The following PAN3 variants were observed in gnomAD, a reference collection of about 807,000 sequenced individuals.
PAN3 encodes poly(A) specific ribonuclease subunit PAN3.
In PAN3, 19 loss-of-function variants were observed where a neutral mutation model predicts 96.2. The observed-to-expected ratio is 0.20, with a 90% CI of 0.14 to 0.29. The LOEUF is 0.29. PAN3 is among the 10% of genes least tolerant of loss of function. The pLI is 1.00. For missense variants in PAN3, 882 were observed against 1,108.1 expected, an observed-to-expected ratio of 0.80 and a Z score of 2.90; for synonymous variants, 433 against 406.6, an observed-to-expected ratio of 1.06 and a Z score of -0.78.
intron 1 of PAN3, among the ~76,000 whole-genome samples, chr13:28,170,665 T>TA (rs551316055): frequency 2.1e-3 from 313 of 152,228 alleles, no homozygotes; most frequent in Non-Finnish European, 3.8e-3. Context: ...ATGTGAAGAG[T>TA]AGATGCCTTA....
intron 1 of PAN3, among the ~76,000 whole-genome samples, chr13:28,163,899 C>T (rs1307271920): frequency 6.6e-6 from 1 of 152,116 alleles, no homozygotes; most frequent in Non-Finnish European, 1.5e-5. Context: ...AGTCCATTTA[C>T]TGAATAATCC....
chr13:28,182,733 T>C (rs952271936), intron 4 of PAN3, among the ~76,000 whole-genome samples: 1 of 152,284 alleles, frequency 6.6e-6, no homozygotes, highest in East Asian at 1.9e-4. Flanking sequence ...TCTGGATTAT[T>C]CTGCTTGAGA....
At chr13:28,272,700 G>A (rs1886733389) in intron 14 of PAN3, among the ~76,000 whole-genome samples, 1 of 151,980 alleles carries the variant, frequency 6.6e-6, no homozygotes, top group Non-Finnish European at 1.5e-5. Context: ...CTCCCGAGTA[G>A]CTGGGATTAC....
chr13:28,289,427 G>A (rs976464586), intron 18 of PAN3, among the ~76,000 whole-genome samples: 12 of 151,966 alleles, frequency 7.9e-5, no homozygotes, highest in African/African-American at 2.9e-4. Flanking sequence ...ACAGGCACAC[G>A]CCACCACACC....
intron 5 of PAN3, among the ~76,000 whole-genome samples, chr13:28,209,739 C>T (rs368695305): frequency 6.6e-6 from 1 of 152,062 alleles, no homozygotes; most frequent in East Asian, 1.9e-4. Context: ...CGTCTCCTCC[C>T]GTTTTTCTCC....
intron 6 of PAN3, among the ~76,000 whole-genome samples, chr13:28,236,003 A>G (rs1016442459): frequency 6.6e-6 from 1 of 151,432 alleles, no homozygotes; most frequent in African/African-American, 2.4e-5. Flanking sequence ...GAGTATTGGG[A>G]TTACATACGT....
At chr13:28,233,190 A>G (rs1422546772) in intron 6 of PAN3, among the ~76,000 whole-genome samples, 1 of 152,134 alleles carries the variant, frequency 6.6e-6, no homozygotes, top group African/African-American at 2.4e-5. Flanking sequence ...AAATTATGTT[A>G]AAAACCTCAT....
chr13:28,145,098 A>G (rs569509771), intron 1 of PAN3, among the ~76,000 whole-genome samples: 1 of 152,266 alleles, frequency 6.6e-6, no homozygotes, highest in South Asian at 2.1e-4. Flanking sequence ...ATAATTATAG[A>G]ATCACCCGAA....
At chr13:28,204,337 A>G (rs1397025692) in intron 5 of PAN3, among the ~76,000 whole-genome samples, 12 of 152,204 alleles carry the variant, frequency 7.9e-5, no homozygotes, top group Non-Finnish European at 1.5e-4. Flanking sequence ...TATTTGTTCT[A>G]TGACTACATA....
intron 1 of PAN3, among the ~76,000 whole-genome samples, chr13:28,148,748 C>T (rs976022913): frequency 1.3e-5 from 2 of 152,138 alleles, no homozygotes; most frequent in African/African-American, 2.4e-5. Flanking sequence ...CATGAGTGCA[C>T]ACATGGAAGC....
chr13:28,218,791 AAC>A (rs1881080523), intron 5 of PAN3, among the ~76,000 whole-genome samples: 1 of 152,184 alleles, frequency 6.6e-6, no homozygotes, highest in Non-Finnish European at 1.5e-5. Context: ...GTTTCTCAGG[AAC>A]ACACTAAAAG....
intron 1 of PAN3, among the ~76,000 whole-genome samples, chr13:28,164,240 T>G (rs1428146130): frequency 2.0e-5 from 3 of 152,238 alleles, no homozygotes; most frequent in Non-Finnish European, 4.4e-5. Context: ...AACTCTTAAT[T>G]GAAGTTTTCT....
chr13:28,260,648 T>C lies in PAN3; in HGVS notation c.1353+97T>C, dbSNP rs565917575. 1.2e-5 allele frequency: 12 copies of C among 973,224 alleles called. No individual in the cohort carries two copies. The African/African-American group carries it at 1.8e-4, about 15-fold the overall frequency. 60.3% of individuals were successfully genotyped at this position (973,224 alleles called of 1,614,324 possible). A position where few individuals can be genotyped will look rare whatever the true frequency, so the allele number is the denominator to read the frequency against. On this transcript the variant is annotated intron_variant, in intron 8 of 18. Coordinates refer to ENST00000380958, the MANE Select transcript of PAN3 (RefSeq NM_175854.8). Reference sequence around the variant, plus strand: ...GCTCTTTTCAAATCATATTATTTAATCAAATATGCTCTAGTAAAGCACATC... The same window carrying C: ...GCTCTTTTCAAATCATATTATTTAACCAAATATGCTCTAGTAAAGCACATC...
In PAN3 at chr13:28,213,702, CAAA is replaced by C. The variant is rs779035643; in HGVS notation, c.853-6513_853-6511del. Among the ~76,000 whole-genome samples, 23 of 78,340 alleles carry C rather than the reference CAAA, an allele frequency of 2.9e-4. No homozygotes were observed. The East Asian group carries it at 5.5e-3, about 19-fold the overall frequency. The allele number at this position is 78,340 out of a possible 152,430, so 51.4% of individuals were successfully genotyped here. ...AAAAGAAATGTTTTTGAAAAAACAGCAAAAAAAAAAAAAAAAAAGGTTGGGGGA... is the reference window on the plus strand; with the variant it reads ...AAAAGAAATGTTTTTGAAAAAACAGCAAAAAAAAAAAAAAAGGTTGGGGGA... On this transcript the variant is annotated intron_variant, in intron 5 of 18. Transcript: ENST00000380958.
At chr13:28,255,527 C>T (rs7325953) in intron 6 of PAN3, among the ~76,000 whole-genome samples, 28,744 of 151,864 alleles carry the variant, frequency 0.19, 4,144 homozygotes, top group African/African-American at 0.4. Flanking sequence ...TAATAGAGGG[C>T]GCTTTGCACA....
chr13:28,221,443 G>A (rs904429860), intron 6 of PAN3, among the ~76,000 whole-genome samples: 1 of 151,870 alleles, frequency 6.6e-6, no homozygotes, highest in Non-Finnish European at 1.5e-5. Context: ...CTGTCTCCAG[G>A]GCTTAATCTA....
chr13:28,234,414 G>A (rs1246425171), intron 6 of PAN3, among the ~76,000 whole-genome samples: 1 of 152,048 alleles, frequency 6.6e-6, no homozygotes. Flanking sequence ...TTCATGTTTT[G>A]GAGTTTTGTA....
chr13:28,138,410 A>C, upstream of PAN3: 1 of 227,024 alleles, frequency 4.4e-6, no homozygotes, highest in Non-Finnish European at 8.5e-6. Flanking sequence ...CGGCCCCTTT[A>C]AGAAAAGAGA....
Position 28,215,025 on chromosome 13 carries a change from A to G in PAN3, c.853-5206A>G, listed in dbSNP as rs964757264. The G allele has an allele frequency of 3.5e-5, 42 of 1,192,030 alleles. No individual in the cohort carries two copies. The African/African-American group carries it at 5.2e-4, about 15-fold the overall frequency. 73.8% of individuals were successfully genotyped at this position (1,192,030 alleles called of 1,614,324 possible). Reference sequence around the variant, plus strand: ...CAGCCAGAAGAGATATGAGGAAATCATTAAGGAAGTCAGCACTTATATTAA... The same window carrying G: ...CAGCCAGAAGAGATATGAGGAAATCGTTAAGGAAGTCAGCACTTATATTAA... On this transcript the variant is annotated intron_variant, in intron 5 of 18. Transcript: ENST00000380958.
Sources: gnomAD v4.1 joint callset for allele counts (sites outside exome capture counted in the v4.1 genomes callset) on GRCh38, gnomAD v4.1.1 for gene constraint, MANE v1.5 for transcripts, NCBI Gene and HGNC (gene_info 2026-07-23, HGNC 2026-07-21) for gene names.